Variants in SEPSECS observed in about 807,000 individuals in gnomAD.
SEPSECS encodes the protein Sep (O-phosphoserine) tRNA:Sec (selenocysteine) tRNA synthase, also known as O-phosphoseryl-tRNA(Sec) selenium transferase.
In SEPSECS, 42 loss-of-function variants were observed where a neutral mutation model predicts 52.1. That is an observed-to-expected ratio of 0.81 (90% CI 0.63 to 1.04). SEPSECS has a LOEUF of 1.04. Ranked by LOEUF, SEPSECS falls within the 50% of genes least tolerant of loss-of-function variation. SEPSECS has a pLI of 0.00. For synonymous variants in SEPSECS, 216 were observed against 211.4 expected, an observed-to-expected ratio of 1.02 and a Z score of -0.19; for missense variants, 590 against 610.6, an observed-to-expected ratio of 0.97 and a Z score of 0.36.
In SEPSECS at chr4:25,137,213, A is replaced by T. The variant is rs553583850; in HGVS notation, c.1026+7561T>A. 7.2e-5 allele frequency among the ~76,000 whole-genome samples: 11 copies of T among 152,354 alleles called. No individual in the cohort carries two copies. The South Asian group carries it at 2.3e-3, about 32-fold the overall frequency. ...TTGCAACAAAAGCAAACATTAACAA[A>T]TGTGATCTAATTAAACTAAAGAGCT... is the stretch of plus-strand genomic sequence containing the variant. On this transcript the variant is annotated intron_variant, in intron 8 of 10. Transcript: ENST00000382103.
chr4:25,130,781 C>T (rs551153870), intron 8 of SEPSECS, among the ~76,000 whole-genome samples: 4 of 152,222 alleles, frequency 2.6e-5, no homozygotes, highest in East Asian at 3.9e-4. Context: ...CACTATCCTA[C>T]ACTAATACTT....
chr4:25,156,841 T>C lies in SEPSECS; in HGVS notation c.388+15A>G, dbSNP rs201545306. ...TCCAGACAGCCAAAAGCATTATGAT[T>C]AAGACGGTACATACCAGCCAGCTTT... On this transcript the variant is annotated intron_variant, in intron 3 of 10. Transcript: ENST00000382103. The C allele has an allele frequency of 7.5e-7, 1 of 1,335,734 alleles. No homozygotes were observed. Among genetic ancestry groups the C allele is most frequent in the African/African-American group, 1.4e-5 (1 of 69,514 alleles). The allele number at this position is 1,335,734 out of a possible 1,614,324, so 82.7% of individuals were successfully genotyped here. A position where few individuals can be genotyped will look rare whatever the true frequency, so the allele number is the denominator to read the frequency against.
intron 8 of SEPSECS, among the ~76,000 whole-genome samples, chr4:25,134,901 G>A (rs537610574): frequency 6.6e-6 from 1 of 151,954 alleles, no homozygotes; most frequent in Non-Finnish European, 1.5e-5. Flanking sequence ...ATAACTCAAG[G>A]TTAAGAAACT....
chr4:25,135,874 C>A (rs1424473188), intron 8 of SEPSECS, among the ~76,000 whole-genome samples: 1 of 152,154 alleles, frequency 6.6e-6, no homozygotes, highest in Non-Finnish European at 1.5e-5. Context: ...TAGGCTTCAA[C>A]CCCAGGATGC....
Position 25,123,499 on chromosome 4 carries a change from C to T in SEPSECS, c.*432G>A, listed in dbSNP as rs1728219003. 1 of 182,020 alleles carries T rather than the reference C, an allele frequency of 5.5e-6. No homozygotes were observed. The highest frequency in any genetic ancestry group is 1.2e-5 in the Non-Finnish European group (1 of 85,204). 11.3% of individuals were successfully genotyped at this position (182,020 alleles called of 1,614,324 possible). ...GGGGAATGCCCATTTTACAGGCACA[C>T]TGTGACTTACACATCTCAACAAACA... On this transcript the variant is annotated 3_prime_UTR_variant, in exon 11 of 11. Coordinates refer to ENST00000382103, the MANE Select transcript of SEPSECS (RefSeq NM_016955.4).
intron 8 of SEPSECS, among the ~76,000 whole-genome samples, chr4:25,139,324 T>C (rs978067049): frequency 2.0e-5 from 3 of 152,110 alleles, no homozygotes; most frequent in African/African-American, 7.2e-5. Flanking sequence ...TTAAAGGAGT[T>C]TGAACTTTGT....
In SEPSECS at chr4:25,156,087, A is replaced by G; in HGVS notation, c.497T>C (p.Ile166Thr). 1 of 1,614,008 alleles carries G rather than the reference A, an allele frequency of 6.2e-7. No homozygotes were observed. The highest frequency in any genetic ancestry group is 8.5e-7 in the Non-Finnish European group (1 of 1,179,930). Reference sequence around the variant, plus strand: ...GGACTTCTGGTCTATTCGTGGCCATATAATATACTTTGCCTTTGGTCTTTT... The same window carrying G: ...GGACTTCTGGTCTATTCGTGGCCATGTAATATACTTTGCCTTTGGTCTTTT... ...RHKRPKAKYI[I>T]WPRIDQKSCF... The change falls in exon 4 of 11, where the codon ATA (isoleucine) becomes ACA (threonine). Residue 166 changes from isoleucine (I) to threonine (T), a missense_variant. Coordinates refer to ENST00000382103, the MANE Select transcript of SEPSECS (RefSeq NM_016955.4).
Position 25,142,529 on chromosome 4 carries a change from T to C in SEPSECS, c.1026+2245A>G, listed in dbSNP as rs375156973. Among the ~76,000 whole-genome samples, 34 of 152,362 alleles carry C rather than the reference T, an allele frequency of 2.2e-4. No homozygotes were observed. The East Asian group carries it at 6.5e-3, about 29-fold the overall frequency. On this transcript the variant is annotated intron_variant, in intron 8 of 10. Transcript: ENST00000382103. ...ATTGACTGCTATATCTATATATATC[T>C]ATATGCCTGACACATGACATGTGGT...
At chr4:25,127,943 C>G (rs1377764062) in intron 8 of SEPSECS, among the ~76,000 whole-genome samples, 1 of 152,178 alleles carries the variant, frequency 6.6e-6, no homozygotes, top group Non-Finnish European at 1.5e-5. Context: ...TTCTAGTGTT[C>G]AAACCTTTGT....
At chr4:25,138,282 A>G (rs1728923724) in intron 8 of SEPSECS, among the ~76,000 whole-genome samples, 1 of 152,168 alleles carries the variant, frequency 6.6e-6, no homozygotes, top group Non-Finnish European at 1.5e-5. Flanking sequence ...AAAATGACTT[A>G]TAATTTTGTA....
In SEPSECS at chr4:25,160,435, A is replaced by T; in HGVS notation, c.-66T>A. ...CTCCACACGCCAGACACACGACGGA[A>T]CCAGAATGCAACTCGCCGCCTGGAC... On this transcript the variant is annotated 5_prime_UTR_variant, in exon 1 of 11. Coordinates refer to ENST00000382103, the MANE Select transcript of SEPSECS (RefSeq NM_016955.4). The T allele has an allele frequency of 2.2e-6, 3 of 1,341,546 alleles. No individual in the cohort carries two copies. The highest frequency in any genetic ancestry group is 3.1e-6 in the Non-Finnish European group (3 of 969,464). The allele number at this position is 1,341,546 out of a possible 1,614,324, so 83.1% of individuals were successfully genotyped here. A position where few individuals can be genotyped will look rare whatever the true frequency, so the allele number is the denominator to read the frequency against.
At chr4:25,146,135 T>C (rs945159259) in intron 6 of SEPSECS, among the ~76,000 whole-genome samples, 1 of 152,342 alleles carries the variant, frequency 6.6e-6, no homozygotes, top group Middle Eastern at 3.4e-3. Context: ...ACAACTAACA[T>C]AGTCTTTTTC....
chr4:25,125,614 A>G, intron 10 of SEPSECS, 80 bp downstream of exon 10: 1 of 840,350 alleles, frequency 1.2e-6, no homozygotes, highest in South Asian at 1.4e-5. Context: ...TACTTGGGGG[A>G]CTATTGTTGA....
At chr4:25,125,613 G>T in intron 10 of SEPSECS, 81 bp downstream of exon 10, 1 of 837,716 alleles carries the variant, frequency 1.2e-6, no homozygotes, top group Non-Finnish European at 2.0e-6. Context: ...ATACTTGGGG[G>T]ACTATTGTTG....
chr4:25,125,272 T>A (rs80331662), intron 10 of SEPSECS: 142 of 162,158 alleles, frequency 8.8e-4, no homozygotes, highest in African/African-American at 2.9e-3. Context: ...GGCAGTTACA[T>A]AGGCAAGGAT....
chr4:25,152,209 T>C, intron 5 of SEPSECS, 147 bp from the exon 6 acceptor site: 1 of 610,570 alleles, frequency 1.6e-6, no homozygotes, highest in Non-Finnish European at 3.0e-6. Context: ...ATTGCAGTAT[T>C]TTGACATGTA....
At position 25,160,309 on chromosome 4, in the gene SEPSECS, C is replaced by A. The variant is rs1246798934; in HGVS notation, c.61G>T (p.Gly21Cys). The A allele has an allele frequency of 1.3e-6, 2 of 1,549,720 alleles. No homozygotes were observed. The highest frequency in any genetic ancestry group is 1.7e-6 in the Non-Finnish European group (2 of 1,146,418). ...TCATGCGAGCGGCGGGCCTCACAGC[C>A]CTGCCGCACGTAAGCCGGCGACACC... ...RLVSPAYVRQ[G>C]CEARRSHEHL... is the part of the protein sequence containing the mutation. Residue 21 changes from glycine (G) to cysteine (C), a missense_variant, in exon 1 of 11, where the codon GGC (glycine) becomes TGC (cysteine). Gly to Cys is a radical substitution (Grantham distance 159). Transcript: ENST00000382103.
chr4:25,160,164 G>C (rs1577636751), intron 1 of SEPSECS, 92 bp downstream of exon 1: 1 of 1,530,946 alleles, frequency 6.5e-7, no homozygotes, highest in African/African-American at 1.4e-5. Flanking sequence ...AAGCAGCGAA[G>C]AGCTGCCGGT....
chr4:25,123,335 C>T lies in SEPSECS; in HGVS notation c.*596G>A, dbSNP rs1230912934. The T allele has an allele frequency of 6.3e-6, 1 of 158,338 alleles. No individual in the cohort carries two copies. Among genetic ancestry groups the T allele is most frequent in the East Asian group, 1.8e-4 (1 of 5,458 alleles). 9.8% of individuals were successfully genotyped at this position (158,338 alleles called of 1,614,324 possible). A position where few individuals can be genotyped will look rare whatever the true frequency, so the allele number is the denominator to read the frequency against. On this transcript the variant is annotated 3_prime_UTR_variant, in exon 11 of 11. Transcript: ENST00000382103. ...GTTGAGTAGCACCCTGGCCTCTATC[C>T]TCTAGATGTTAACAGCATCCCACCA...
Sources: allele counts gnomAD v4.1 joint callset (sites outside exome capture counted in the v4.1 genomes callset), GRCh38; gene constraint gnomAD v4.1.1; transcripts MANE v1.5; gene names NCBI Gene and HGNC (gene_info 2026-07-23, HGNC 2026-07-21).